HS6ST3: variants seen among roughly 807,000 people sequenced by gnomAD.
HS6ST3 encodes heparan sulfate 6-O-sulfotransferase 3.
In HS6ST3, 12 loss-of-function variants were observed where a neutral mutation model predicts 36.7. That is an observed-to-expected ratio of 0.33 (90% confidence interval 0.21 to 0.53). The LOEUF is 0.53. HS6ST3 is among the 20% of genes least tolerant of loss of function. The pLI is 0.95. For missense variants in HS6ST3, 584 were observed against 640.9 expected, an observed-to-expected ratio of 0.91 and a Z score of 0.96; for synonymous variants, 240 against 257.5, an observed-to-expected ratio of 0.93 and a Z score of 0.65.
chr13:96,178,971 T>G (rs1185391591), intron 1 of HS6ST3, among the ~76,000 whole-genome samples: 1 of 152,358 alleles, frequency 6.6e-6, no homozygotes, highest in East Asian at 1.9e-4. Flanking sequence ...TGGAGAGATT[T>G]ACTAACACAA....
intron 1 of HS6ST3, among the ~76,000 whole-genome samples, chr13:96,735,962 T>C (rs1224536109): frequency 6.6e-6 from 1 of 151,936 alleles, no homozygotes; most frequent in East Asian, 1.9e-4. Flanking sequence ...GAAACTAACA[T>C]AGGAACAGAA....
chr13:96,288,692 A>G (rs911609549), intron 1 of HS6ST3, among the ~76,000 whole-genome samples: 4 of 152,164 alleles, frequency 2.6e-5, no homozygotes, highest in African/African-American at 9.6e-5. Context: ...TTACTAAAAT[A>G]ATCAGCAAAC....
intron 1 of HS6ST3, among the ~76,000 whole-genome samples, chr13:96,238,880 C>T (rs1178935591): frequency 6.6e-6 from 1 of 152,136 alleles, no homozygotes; most frequent in Non-Finnish European, 1.5e-5. Context: ...TAAAAATGAT[C>T]CAGATTGTAA....
intron 1 of HS6ST3, among the ~76,000 whole-genome samples, chr13:96,332,122 A>G (rs919886885): frequency 2.6e-5 from 4 of 152,192 alleles, no homozygotes; most frequent in African/African-American, 9.6e-5. Context: ...TCAGATGGAA[A>G]TGCAGAAATC....
intron 1 of HS6ST3, among the ~76,000 whole-genome samples, chr13:96,563,650 G>T (rs2056270722): frequency 6.6e-6 from 1 of 152,150 alleles, no homozygotes; most frequent in South Asian, 2.1e-4. Context: ...AGCTGTAATG[G>T]GTGATACAGG....
chr13:96,176,031 G>T (rs954577509), intron 1 of HS6ST3, among the ~76,000 whole-genome samples: 6 of 152,076 alleles, frequency 3.9e-5, no homozygotes, highest in Non-Finnish European at 7.4e-5. Context: ...GTTTTACCAT[G>T]TTGGCCAGGT....
At chr13:96,142,529 T>C (rs1299647801) in intron 1 of HS6ST3, among the ~76,000 whole-genome samples, 3 of 152,192 alleles carry the variant, frequency 2.0e-5, no homozygotes, top group African/African-American at 7.2e-5. Context: ...TGCTATCATA[T>C]TCAATCTAGT....
chr13:96,475,518 A>G (rs2055859338), intron 1 of HS6ST3, among the ~76,000 whole-genome samples: 1 of 151,490 alleles, frequency 6.6e-6, no homozygotes, highest in African/African-American at 2.4e-5. Context: ...ATGTCCCTTG[A>G]CCATCAGCAG....
intron 1 of HS6ST3, among the ~76,000 whole-genome samples, chr13:96,809,631 T>C (rs1053604238): frequency 6.6e-6 from 1 of 152,168 alleles, no homozygotes; most frequent in Admixed American, 6.5e-5. Context: ...GTCACTGCAA[T>C]GACTCTGAGC....
chr13:96,753,712 C>T (rs567859182), intron 1 of HS6ST3, among the ~76,000 whole-genome samples: 1 of 152,148 alleles, frequency 6.6e-6, no homozygotes, highest in South Asian at 2.1e-4. Context: ...TGTAACTGCA[C>T]AAGCAAGGAC....
At chr13:96,177,084 C>T (rs1287250390) in intron 1 of HS6ST3, among the ~76,000 whole-genome samples, 1 of 152,100 alleles carries the variant, frequency 6.6e-6, no homozygotes, top group Admixed American at 6.5e-5. Context: ...CATCTCATGC[C>T]AGTCAGAATG....
At chr13:96,115,768 G>A (rs2053891157) in intron 1 of HS6ST3, among the ~76,000 whole-genome samples, 1 of 152,120 alleles carries the variant, frequency 6.6e-6, no homozygotes. Context: ...CCCCATAATG[G>A]GATTGTTGGG....
chr13:96,494,479 A>G (rs970915702), intron 1 of HS6ST3, among the ~76,000 whole-genome samples: 2 of 151,738 alleles, frequency 1.3e-5, no homozygotes, highest in African/African-American at 2.4e-5. Flanking sequence ...CCAACATGGC[A>G]CATGTATACA....
chr13:96,437,450 A>G (rs2055648783), intron 1 of HS6ST3, among the ~76,000 whole-genome samples: 1 of 152,214 alleles, frequency 6.6e-6, no homozygotes, highest in African/African-American at 2.4e-5. Context: ...GGAAAATACT[A>G]TCACTTCTTT....
chr13:96,437,036 G>A (rs1331005286), intron 1 of HS6ST3, among the ~76,000 whole-genome samples: 1 of 151,982 alleles, frequency 6.6e-6, no homozygotes, highest in Non-Finnish European at 1.5e-5. Flanking sequence ...GCATATTTTA[G>A]GACAATGTTC....
chr13:96,493,002 ACTTTTGAG>A (rs1464556737), intron 1 of HS6ST3, among the ~76,000 whole-genome samples: 1 of 152,168 alleles, frequency 6.6e-6, no homozygotes, highest in Non-Finnish European at 1.5e-5. Flanking sequence ...GCCAATGTTG[ACTTTTGAG>A]CGAGGACAAC....
At chr13:96,630,563 TTTCTATAGGG>T (rs2139000543) in intron 1 of HS6ST3, among the ~76,000 whole-genome samples, 2 of 152,264 alleles carry the variant, frequency 1.3e-5, no homozygotes, top group East Asian at 3.9e-4. Flanking sequence ...GGGTCTCAGC[TTTCTATAGGG>T]TTCTATTAAG....
chr13:96,426,263 C>T (rs752874321), intron 1 of HS6ST3, among the ~76,000 whole-genome samples: 8 of 152,084 alleles, frequency 5.3e-5, no homozygotes, highest in Non-Finnish European at 7.4e-5. Flanking sequence ...GTTCGCACTG[C>T]CTCTATTTGT....
At chr13:96,495,812 T>C (rs1382098547) in intron 1 of HS6ST3, among the ~76,000 whole-genome samples, 1 of 152,206 alleles carries the variant, frequency 6.6e-6, no homozygotes, top group Non-Finnish European at 1.5e-5. Context: ...AAACTTTACA[T>C]TGTGAGCAAA....
Sources: allele counts gnomAD v4.1 joint callset (sites outside exome capture counted in the v4.1 genomes callset), GRCh38; gene constraint gnomAD v4.1.1; transcripts MANE v1.5; gene names NCBI Gene and HGNC (gene_info 2026-07-23, HGNC 2026-07-21).